Variants in SATL1 observed in about 807,000 individuals in gnomAD.
SATL1 encodes spermidine/spermine N(1)-acetyltransferase-like protein 1.
In SATL1, 47 loss-of-function variants were observed where a neutral mutation model predicts 51.8. The ratio of observed to expected loss-of-function variants is 0.91; its 90% CI spans 0.72 to 1.16. The LOEUF (loss-of-function observed/expected upper bound fraction) is 1.16, where lower values mean the gene tolerates loss of function less well. SATL1 is among the 50% of genes most tolerant of loss of function. The pLI is 0.00. For synonymous variants in SATL1, 176 were observed against 182.4 expected (o/e 0.97, Z 0.28); for missense variants, 520 against 526.4 (o/e 0.99, Z 0.12).
intron 2 of SATL1, among the ~76,000 whole-genome samples, chrX:85,133,009 C>T (rs1343455471): frequency 1.8e-5 from 2 of 111,455 alleles, no homozygotes; most frequent in African/African-American, 6.5e-5. Context: ...ATATTGCTGC[C>T]TGATCCTTCC....
At chrX:85,210,723 G>C (rs935991569) in intron 2 of SATL1, 2 of 111,573 alleles carry the variant, frequency 1.8e-5, no homozygotes, top group Admixed American at 1.9e-4. Context: ...AAGGTCAGAG[G>C]GACTGGCCGT....
intron 1 of SATL1, among the ~76,000 whole-genome samples, chrX:85,227,176 C>A (rs1213288035): frequency 9.0e-6 from 1 of 111,418 alleles, no homozygotes; most frequent in East Asian, 2.8e-4. Context: ...TGCTACCTAG[C>A]AATCATACTG....
rs147030623 is a variant in SATL1, at chrX:85,221,227, C to T, written c.-313+2978G>A. Among the ~76,000 whole-genome samples, 762 of 111,702 alleles carry T rather than the reference C, an allele frequency of 6.8e-3. 4 individuals carry two copies. Among genetic ancestry groups the T allele is most frequent in the African/African-American group, 0.023 (711 of 30,717 alleles). On this transcript the variant is annotated intron_variant, in intron 2 of 7. Transcript: ENST00000644105. ...TTCTGTCTCTATCTATATTTACATCCATATCTACATCTATATCATGTATGT... is the reference window on the plus strand; with the variant it reads ...TTCTGTCTCTATCTATATTTACATCTATATCTACATCTATATCATGTATGT...
chrX:85,107,487 T>C lies in SATL1; in HGVS notation c.1482A>G (p.Gln494=), dbSNP rs372564257. 8.2e-7 allele frequency: 1 copy of C among 1,212,444 alleles called. No homozygotes were observed. Among genetic ancestry groups the C allele is most frequent in the African/African-American group, 1.7e-5 (1 of 57,965 alleles). ...GGCTCAGCACTAATTGGTTCAGGTC[T>C]TGTTGGCTCAGGCCTGGCTGACTCG... The part of the protein sequence containing the change: ...PGPSQPGLSQ[Q]DLNQLVLSQP... The change falls in exon 3 of 8, where the codon CAA becomes CAG. Residue 494 remains glutamine (Q), a synonymous_variant. Transcript: ENST00000644105.
intron 2 of SATL1, among the ~76,000 whole-genome samples, chrX:85,144,161 T>G (rs1466093611): frequency 8.9e-6 from 1 of 111,863 alleles, no homozygotes; most frequent in East Asian, 2.8e-4. Flanking sequence ...AGTTGAATGT[T>G]CAGTGGAGCA....
At position 85,170,371 on chromosome X, in the gene SATL1, C is replaced by T. The variant is rs182113384; in HGVS notation, c.-313+53834G>A. On this transcript the variant is annotated intron_variant, in intron 2 of 7. Transcript: ENST00000644105. ...TAATTGAACAGGAATATTTTTTCTG[C>T]GACATTTTATTTTGCCTTTCTCAGA... 1.2e-4 allele frequency among the ~76,000 whole-genome samples: 13 copies of T among 111,304 alleles called. No homozygotes were observed. The East Asian group carries it at 2.0e-3, about 17-fold the overall frequency.
At chrX:85,152,811 C>A (rs909578060) in intron 2 of SATL1, among the ~76,000 whole-genome samples, 3 of 108,817 alleles carry the variant, frequency 2.8e-5, no homozygotes, top group African/African-American at 1.0e-4. Context: ...ACTCTGGGGA[C>A]TGTTGTGGGG....
intron 4 of SATL1, among the ~76,000 whole-genome samples, chrX:85,097,132 C>T (rs1456679903): frequency 2.7e-5 from 3 of 110,421 alleles, no homozygotes; most frequent in African/African-American, 9.9e-5. Context: ...AGATCAAAAA[C>T]GATATTCATT....
intron 2 of SATL1, among the ~76,000 whole-genome samples, chrX:85,202,223 A>T (rs919458563): frequency 8.9e-6 from 1 of 112,268 alleles, no homozygotes; most frequent in African/African-American, 3.2e-5. Context: ...CCTTTGTCAG[A>T]TACATAGTTT....
intron 2 of SATL1, among the ~76,000 whole-genome samples, chrX:85,194,345 G>A (rs1474824002): frequency 8.9e-6 from 1 of 111,737 alleles, no homozygotes; most frequent in East Asian, 2.8e-4. Flanking sequence ...AAATGTATGG[G>A]AGTGGAGGAA....
intron 1 of SATL1, among the ~76,000 whole-genome samples, chrX:85,237,245 T>C (rs888496805): frequency 9.0e-6 from 1 of 111,050 alleles, no homozygotes; most frequent in African/African-American, 3.3e-5. Context: ...GCTAAAGCCA[T>C]CTTAAGCAAA....
intron 2 of SATL1, among the ~76,000 whole-genome samples, chrX:85,155,862 T>A (rs1402088238): frequency 2.7e-5 from 3 of 111,739 alleles, no homozygotes; most frequent in Non-Finnish European, 5.6e-5. Context: ...CCTTGCAGGC[T>A]TTTTGTAAAT....
intron 1 of SATL1, among the ~76,000 whole-genome samples, chrX:85,229,635 T>C (rs1423425409): frequency 9.0e-6 from 1 of 110,530 alleles, no homozygotes; most frequent in African/African-American, 3.3e-5. Context: ...AAAAAAAGTC[T>C]CAACAGATCA....
At chrX:85,191,870 C>G (rs745394937) in intron 2 of SATL1, among the ~76,000 whole-genome samples, 5 of 111,364 alleles carry the variant, frequency 4.5e-5, no homozygotes, top group Non-Finnish European at 9.4e-5. Flanking sequence ...ATGCACAGTT[C>G]AAACCTGCAT....
At chrX:85,119,045 T>C (rs763707794) in intron 2 of SATL1, among the ~76,000 whole-genome samples, 8 of 112,024 alleles carry the variant, frequency 7.1e-5, no homozygotes, top group Middle Eastern at 4.6e-3. Context: ...GCCAAGCTGT[T>C]TGAGGCAATG....
chrX:85,108,189 A>T lies in SATL1; in HGVS notation c.780T>A (p.Gly260=), dbSNP rs773645263. The T allele has an allele frequency of 1.7e-6, 2 of 1,210,927 alleles. No homozygotes were observed. The highest frequency in any genetic ancestry group is 3.5e-5 in the African/African-American group (2 of 57,525). Residue 260 remains glycine (G), a synonymous_variant, in exon 3 of 8, where the codon GGT becomes GGA. Transcript: ENST00000644105. ...QSSLSDSNQT[G]IIQPSPSLLG... ...GTAAGCTTGGGCTTGGCTGGATTATACCTGTTTGGTTGGAATCTGATAAAC... is the reference window on the plus strand; with the variant it reads ...GTAAGCTTGGGCTTGGCTGGATTATTCCTGTTTGGTTGGAATCTGATAAAC...
At chrX:85,178,478 G>A (rs1437527111) in intron 2 of SATL1, among the ~76,000 whole-genome samples, 3 of 108,473 alleles carry the variant, frequency 2.8e-5, no homozygotes, top group Non-Finnish European at 3.8e-5. Context: ...TGAACTCTTG[G>A]GCCCAACTGA....
Position 85,108,502 on chromosome X carries a change from A to C in SATL1, c.467T>G (p.Val156Gly). 1 of 1,208,780 alleles carries C rather than the reference A, an allele frequency of 8.3e-7. No homozygotes were observed. Among genetic ancestry groups the C allele is most frequent in the Non-Finnish European group, 1.1e-6 (1 of 894,711 alleles). The part of the protein sequence containing the change: ...SGGSQPSMRQ[V>G]GTSQLGTSQI... ...GCTTGTGCCTAATTGGCTGGTGCCT[A>C]CTTGTCTCATGCTTGGTTGGCTCCC... The change falls in exon 3 of 8, where the codon GTA becomes GGA. Residue 156 changes from valine to glycine, a missense_variant. Around this residue, in one of 3 missense-constraint regions of SATL1, gnomAD observed 488 missense variants for 474.3 expected, o/e 1.03. Coordinates refer to ENST00000644105, the MANE Select transcript of SATL1 (RefSeq NM_001367857.2).
intron 2 of SATL1, among the ~76,000 whole-genome samples, chrX:85,118,624 C>A (rs927804370): frequency 8.9e-6 from 1 of 111,838 alleles, no homozygotes; most frequent in South Asian, 3.7e-4. Flanking sequence ...CCACTAGTTA[C>A]ATTTCAGTGA....
Sources: allele counts gnomAD v4.1 joint callset (sites outside exome capture counted in the v4.1 genomes callset), GRCh38; gene constraint gnomAD v4.1.1; regional missense constraint gnomAD v4.1.1; transcripts MANE v1.5; gene names NCBI Gene and HGNC (gene_info 2026-07-23, HGNC 2026-07-21).